SUCO: variants seen among roughly 807,000 people sequenced by gnomAD.
SUCO encodes SUN domain-containing ossification factor.
A neutral mutation model predicts 148.1 loss-of-function variants in SUCO; 57 were observed. The observed-to-expected ratio is 0.38, with a 90% confidence interval of 0.31 to 0.48. The LOEUF (loss-of-function observed/expected upper bound fraction) is 0.48, where lower values mean the gene tolerates loss of function less well. Among genes scored for constraint, SUCO ranks in the 20% least tolerant of loss-of-function variants. The pLI, the probability that SUCO is intolerant of heterozygous loss-of-function variation, is 0.96. For missense variants in SUCO, 1,331 were observed against 1,468.2 expected, an observed-to-expected ratio of 0.91 and a Z score of 1.53; for synonymous variants, 470 against 502.7, an observed-to-expected ratio of 0.93 and a Z score of 0.87.
chr1:172,577,879 G>A (rs935507708), intron 13 of SUCO, 60 bp downstream of exon 13: 11 of 1,319,066 alleles, frequency 8.3e-6, no homozygotes, highest in Middle Eastern at 2.4e-4. Context: ...CAAAATTTTC[G>A]ATATATTTAA....
intron 1 of SUCO, among the ~76,000 whole-genome samples, chr1:172,538,424 T>A (rs1230389805): frequency 6.6e-6 from 1 of 152,214 alleles, no homozygotes; most frequent in Non-Finnish European, 1.5e-5. Context: ...GAAAAAAATT[T>A]AAAAACTAGA....
Position 172,553,349 on chromosome 1 carries a change from T to G in SUCO, c.267T>G (p.Asp89Glu). The G allele has an allele frequency of 6.3e-7, 1 of 1,599,266 alleles. No homozygotes were observed. The highest frequency in any genetic ancestry group is 1.1e-5 in the South Asian group (1 of 89,142). Reference protein sequence around the residue: ...PISPKEHKLKDDSIVDVQNTE... With the variant: ...PISPKEHKLKEDSIVDVQNTE... ...CTCCAAAAGAACATAAATTAAAAGA[T>G]GATTCTATTGTGGATGTACAAGTAA... The change falls in exon 3 of 24, where the codon GAT (aspartate) becomes GAG (glutamate). Residue 89 changes from aspartate to glutamate, a missense_variant. Asp to Glu is a conservative substitution (Grantham distance 45). Transcript: ENST00000263688.
chr1:172,570,629 A>T, intron 8 of SUCO, 34 bp from the exon 9 acceptor site: 2 of 1,338,124 alleles, frequency 1.5e-6, no homozygotes, highest in Non-Finnish European at 1.1e-6. Flanking sequence ...ATTATTCCTT[A>T]AGTAATTTGT....
chr1:172,575,554 T>C lies in SUCO; in HGVS notation c.1194T>C (p.Phe398=). The C allele has an allele frequency of 1.2e-6, 2 of 1,612,236 alleles. No individual in the cohort carries two copies. The highest frequency in any genetic ancestry group is 1.7e-6 in the Non-Finnish European group (2 of 1,178,770). The change falls in exon 11 of 24, where the codon TTT becomes TTC. Residue 398 remains phenylalanine (F), a synonymous_variant. Transcript: ENST00000263688. The part of the protein sequence containing the change: ...PTNKWIKLGT[F]HGRDERNVQS... ...ATAAGTGGATTAAGCTGGGTACTTT[T>C]CATGGTAGAGATGAGCGGAATGTAC...
chr1:172,586,391 C>T (rs1656249562), intron 17 of SUCO, among the ~76,000 whole-genome samples: 1 of 152,150 alleles, frequency 6.6e-6, no homozygotes, highest in Admixed American at 6.6e-5. Flanking sequence ...ACACAGCAAG[C>T]TCTTAACTGT....
At chr1:172,574,794 TTGG>T in intron 10 of SUCO, 1 of 602,108 alleles carries the variant, frequency 1.7e-6, no homozygotes, top group South Asian at 7.2e-5. Context: ...AGGGTTTTCC[TTGG>T]TGTTTCTTCC....
chr1:172,561,132 G>GA (rs1232652362), intron 6 of SUCO, among the ~76,000 whole-genome samples: 2 of 152,222 alleles, frequency 1.3e-5, no homozygotes, highest in African/African-American at 4.8e-5. Flanking sequence ...TTGGTATCTT[G>GA]GCAGCTAGAG....
chr1:172,590,926 T>C, intron 18 of SUCO, 58 bp from the exon 19 acceptor site: 1 of 1,226,082 alleles, frequency 8.2e-7, no homozygotes, highest in Non-Finnish European at 1.2e-6. Flanking sequence ...TATGTTTCCA[T>C]TACTAAGTGG....
intron 1 of SUCO, among the ~76,000 whole-genome samples, chr1:172,546,494 C>G (rs921783495): frequency 1.3e-5 from 2 of 152,180 alleles, no homozygotes; most frequent in Non-Finnish European, 2.9e-5. Context: ...GTAGTGGCAA[C>G]AAGTGATAAA....
In SUCO at chr1:172,578,319, G is replaced by T. The variant is rs114255403; in HGVS notation, c.1362G>T (p.Val454=). The change falls in exon 14 of 24, where the codon GTG becomes GTT. Residue 454 remains valine, a synonymous_variant. Coordinates refer to ENST00000263688, the MANE Select transcript of SUCO (RefSeq NM_014283.5). ...SLIRVFGTSM[V]EEYEEIADSQ... ...ATAGGGTATTTGGCACTAGCATGGTGGAAGAATATGAAGAAATTGCTGATT... is the reference window on the plus strand; with the variant it reads ...ATAGGGTATTTGGCACTAGCATGGTTGAAGAATATGAAGAAATTGCTGATT... 2.5e-3 allele frequency: 4,005 copies of T among 1,611,708 alleles called. 5 individuals are homozygous for T. Among genetic ancestry groups the T allele is most frequent in the Admixed American group, 2.9e-3 (173 of 59,968 alleles).
At chr1:172,572,509 A>G (rs577134778) in intron 9 of SUCO, among the ~76,000 whole-genome samples, 1,776 of 151,896 alleles carry the variant, frequency 0.012, 18 homozygotes, top group African/African-American at 0.03. Flanking sequence ...CAGCATGCTC[A>G]TTAAGAGTCA....
intron 8 of SUCO, chr1:172,570,398 AAAAGG>A (rs1218901944): frequency 4.1e-6 from 2 of 482,586 alleles, no homozygotes; most frequent in African/African-American, 4.0e-5. Flanking sequence ...TGAAATTTTA[AAAAGG>A]AAATAACTAA....
chr1:172,603,384 C>A (rs1657655406), intron 22 of SUCO, among the ~76,000 whole-genome samples: 1 of 151,906 alleles, frequency 6.6e-6, no homozygotes, highest in Admixed American at 6.6e-5. Context: ...ATTAAAATAA[C>A]TAAATTAATT....
chr1:172,581,243 CCTTGAAGGTATATCA>C (rs1655866887), intron 15 of SUCO, among the ~76,000 whole-genome samples: 1 of 152,144 alleles, frequency 6.6e-6, no homozygotes, highest in Admixed American at 6.5e-5. Context: ...GGATCTTTCT[CCTTGAAGGTATATCA>C]CTTAATTTTC....
At position 172,554,453 on chromosome 1, in the gene SUCO, A is replaced by G. The variant is rs965563249; in HGVS notation, c.288+1083A>G. Among the ~76,000 whole-genome samples, 4 of 152,248 alleles carry G rather than the reference A, an allele frequency of 2.6e-5. No individual in the cohort carries two copies. In the East Asian group the frequency reaches 5.8e-4, roughly 22 times the overall value. On this transcript the variant is annotated intron_variant, in intron 3 of 23. Coordinates refer to ENST00000263688, the MANE Select transcript of SUCO (RefSeq NM_014283.5). The stretch of plus-strand genomic sequence containing the variant: ...CCAAATTGAAATTTACTGTAAGTGT[A>G]AAATACACATTGGATTTTGAAGACT...
At chr1:172,602,398 G>A in intron 21 of SUCO, 180 bp downstream of exon 21, 1 of 983,104 alleles carries the variant, frequency 1.0e-6, no homozygotes, top group Non-Finnish European at 1.2e-6. Context: ...ACCTGGCTCT[G>A]TAGACTATAA....
chr1:172,590,270 A>C, intron 18 of SUCO: 1 of 922,698 alleles, frequency 1.1e-6, no homozygotes, highest in Non-Finnish European at 1.3e-6. Context: ...AAATGATAGT[A>C]TATAGACCTT....
chr1:172,589,890 C>G lies in SUCO; in HGVS notation c.2789C>G (p.Ser930Cys). The change falls in exon 18 of 24, where the codon TCT (serine) becomes TGT (cysteine). Residue 930 changes from serine (S) to cysteine (C), a missense_variant. Physicochemically the swap from Ser to Cys is moderately radical, Grantham distance 112 (BLOSUM62 -1). Transcript: ENST00000263688. The part of the protein sequence containing the change: ...NRIKALEVNM[S>C]LSGRYLEELS... ...ATTAAAGCCTTAGAAGTTAACATGTCTCTCAGTGGTCGCTATCTGGAGGAG... is the reference window on the plus strand; with the variant it reads ...ATTAAAGCCTTAGAAGTTAACATGTGTCTCAGTGGTCGCTATCTGGAGGAG... 6.5e-7 allele frequency: 1 copy of G among 1,541,876 alleles called. No homozygotes were observed. Among genetic ancestry groups the G allele is most frequent in the Non-Finnish European group, 8.7e-7 (1 of 1,154,978 alleles).
chr1:172,533,887 C>T (rs1200666610), intron 1 of SUCO, among the ~76,000 whole-genome samples: 1 of 152,118 alleles, frequency 6.6e-6, no homozygotes, highest in Non-Finnish European at 1.5e-5. Flanking sequence ...GGGGATAAAG[C>T]ACGTCGGATG....
Sources: gnomAD v4.1 joint callset for allele counts (sites outside exome capture counted in the v4.1 genomes callset) on GRCh38, gnomAD v4.1.1 for gene constraint, MANE v1.5 for transcripts, NCBI Gene and HGNC (gene_info 2026-07-23, HGNC 2026-07-21) for gene names.